The following NCOA2 variants were observed in gnomAD, a reference collection of about 807,000 sequenced individuals.
NCOA2 encodes the protein class E basic helix-loop-helix protein 75.
In NCOA2, 21 loss-of-function variants were observed where a neutral mutation model predicts 145.1. That is an observed-to-expected ratio of 0.14 (90% confidence interval 0.10 to 0.21). The LOEUF is 0.21. NCOA2 is among the 10% of genes least tolerant of loss of function. The pLI is 1.00. For missense variants in NCOA2, 1,472 were observed against 1,837.6 expected (o/e 0.80, Z 3.64); for synonymous variants, 619 against 637.5 (o/e 0.97, Z 0.44).
intron 5 of NCOA2, among the ~76,000 whole-genome samples, chr8:70,172,458 A>G (rs1292412455): frequency 6.6e-6 from 1 of 152,214 alleles, no homozygotes; most frequent in South Asian, 2.1e-4. Context: ...GTGCTCTCTC[A>G]AATTAGAACT....
intron 7 of NCOA2, 112 bp downstream of exon 7, chr8:70,166,454 C>G: frequency 2.4e-6 from 3 of 1,251,098 alleles, no homozygotes; most frequent in African/African-American, 1.5e-5. Flanking sequence ...TTGAAAAGAA[C>G]AAAGATACTG....
chr8:70,416,855 C>T, the NCOA2 span, among the ~76,000 whole-genome samples: 1 of 152,196 alleles, frequency 6.6e-6, no homozygotes, highest in East Asian at 1.9e-4. Flanking sequence ...TCTCCCAACA[C>T]TATTGCCTTG....
chr8:70,166,995 G>A (rs897031376), intron 6 of NCOA2, among the ~76,000 whole-genome samples: 1 of 151,658 alleles, frequency 6.6e-6, no homozygotes, highest in Admixed American at 6.6e-5. Context: ...TCAAGTTCTG[G>A]AATACATGTG....
intron 2 of NCOA2, among the ~76,000 whole-genome samples, chr8:70,253,649 G>C (rs1823390915): frequency 1.3e-5 from 2 of 152,088 alleles, no homozygotes; most frequent in South Asian, 4.2e-4. Context: ...CCATTCAATG[G>C]GGAAAGGATA....
chr8:70,181,918 A>G (rs913001623), intron 4 of NCOA2, among the ~76,000 whole-genome samples: 1 of 152,226 alleles, frequency 6.6e-6, no homozygotes, highest in Non-Finnish European at 1.5e-5. Flanking sequence ...GTTTCTGACC[A>G]AGCACTATAG....
At chr8:70,446,803 T>C in the NCOA2 span, among the ~76,000 whole-genome samples, 1 of 152,158 alleles carries the variant, frequency 6.6e-6, no homozygotes, top group Admixed American at 6.5e-5. Context: ...AAGAGAAGGA[T>C]AAGAAAATAT....
At chr8:70,366,500 G>T (rs1009848665) in intron 1 of NCOA2, among the ~76,000 whole-genome samples, 1 of 151,228 alleles carries the variant, frequency 6.6e-6, no homozygotes, top group Non-Finnish European at 1.5e-5. Context: ...AGGGGCTTTC[G>T]GGGGGAGAAG....
intron 1 of NCOA2, among the ~76,000 whole-genome samples, chr8:70,343,366 G>A (rs1169890669): frequency 6.6e-6 from 1 of 151,434 alleles, no homozygotes; most frequent in Non-Finnish European, 1.5e-5. Flanking sequence ...CCATTTCAAA[G>A]TTGATCCAAA....
intron 1 of NCOA2, among the ~76,000 whole-genome samples, chr8:70,340,194 G>A (rs1449306551): frequency 6.6e-6 from 1 of 152,126 alleles, no homozygotes; most frequent in Non-Finnish European, 1.5e-5. Context: ...CTATCTTTCT[G>A]ACAGTGGTCT....
At chr8:70,419,620 T>C in the NCOA2 span, among the ~76,000 whole-genome samples, 1 of 152,158 alleles carries the variant, frequency 6.6e-6, no homozygotes, top group African/African-American at 2.4e-5. Context: ...TCTGTTTTAA[T>C]GTCCCTTTCT....
At chr8:70,428,556 C>A in the NCOA2 span, among the ~76,000 whole-genome samples, 1 of 152,092 alleles carries the variant, frequency 6.6e-6, no homozygotes, top group Non-Finnish European at 1.5e-5. Context: ...CCCAGGAGGT[C>A]AAGGCTGCGG....
chr8:70,154,798 G>A (rs1162576994), intron 11 of NCOA2, among the ~76,000 whole-genome samples: 1 of 152,182 alleles, frequency 6.6e-6, no homozygotes, highest in African/African-American at 2.4e-5. Context: ...GGGGTGGAAG[G>A]TTGAGGAGAT....
chr8:70,290,509 T>A (rs1586386649), intron 2 of NCOA2, among the ~76,000 whole-genome samples: 1 of 152,160 alleles, frequency 6.6e-6, no homozygotes, highest in South Asian at 2.1e-4. Flanking sequence ...ATTATAGACA[T>A]CCATGAATCA....
At chr8:70,377,065 T>G (rs751532384) in intron 1 of NCOA2, among the ~76,000 whole-genome samples, 119 of 49,576 alleles carry the variant, frequency 2.4e-3, no homozygotes, top group African/African-American at 2.4e-3. Flanking sequence ...ATACGTTGTG[T>G]TTTTTTTTTT....
chr8:70,321,558 C>A (rs1409490206), intron 1 of NCOA2, among the ~76,000 whole-genome samples: 2 of 151,924 alleles, frequency 1.3e-5, no homozygotes, highest in Non-Finnish European at 2.9e-5. Context: ...AATTATTTAT[C>A]CAAAGGAGAT....
At chr8:70,415,398 C>A in the NCOA2 span, among the ~76,000 whole-genome samples, 1 of 152,110 alleles carries the variant, frequency 6.6e-6, no homozygotes, top group African/African-American at 2.4e-5. Context: ...AAATTTACAG[C>A]AGATGCGGCC....
chr8:70,362,450 A>T (rs1490044270), intron 1 of NCOA2, among the ~76,000 whole-genome samples: 1 of 152,184 alleles, frequency 6.6e-6, no homozygotes, highest in Non-Finnish European at 1.5e-5. Context: ...AATATAAGGA[A>T]TTCTCAAAAC....
chr8:70,408,986 C>G, the NCOA2 span, among the ~76,000 whole-genome samples: 1 of 151,894 alleles, frequency 6.6e-6, no homozygotes, highest in Non-Finnish European at 1.5e-5. Context: ...TGCCTGTAAT[C>G]CCTGCACTTT....
intron 2 of NCOA2, among the ~76,000 whole-genome samples, chr8:70,289,176 T>C (rs1826478917): frequency 1.3e-5 from 2 of 152,330 alleles, no homozygotes; most frequent in South Asian, 2.1e-4. Context: ...ACAGAAGTGT[T>C]TTCTGGACTG....
Sources: allele counts gnomAD v4.1 joint callset (sites outside exome capture counted in the v4.1 genomes callset), GRCh38; gene constraint gnomAD v4.1.1; transcripts MANE v1.5; gene names NCBI Gene and HGNC (gene_info 2026-07-23, HGNC 2026-07-21).